Variants in ALKBH5 observed in about 807,000 individuals in gnomAD.
ALKBH5 encodes RNA demethylase ALKBH5.
ALKBH5 carries 2 observed loss-of-function variants against 32.1 expected under a neutral mutation model. That is an observed-to-expected ratio of 0.06 (90% CI 0.03 to 0.20). The LOEUF is 0.20. Among genes scored for constraint, ALKBH5 ranks in the 10% least tolerant of loss-of-function variants. The pLI is 1.00. For missense variants in ALKBH5, 352 were observed against 559.5 expected (o/e 0.63, Z 3.74); for synonymous variants, 300 against 231.7 (o/e 1.29, Z -2.68).
chr17:18,194,449 C>T (rs922419159), intron 1 of ALKBH5, among the ~76,000 whole-genome samples: 3 of 152,168 alleles, frequency 2.0e-5, no homozygotes, highest in African/African-American at 4.8e-5. Flanking sequence ...CCATCACGCC[C>T]AGCCGGAAAT....
At chr17:18,206,358 T>C (rs1456639729) in intron 2 of ALKBH5, among the ~76,000 whole-genome samples, 2 of 152,160 alleles carry the variant, frequency 1.3e-5, no homozygotes, top group African/African-American at 2.4e-5. Flanking sequence ...AGTGAGAAGA[T>C]AGGGTAGCTC....
chr17:18,207,737 A>G lies in ALKBH5; in HGVS notation c.1008-482A>G, dbSNP rs576918635. On this transcript the variant is annotated intron_variant, in intron 3 of 3. Transcript: ENST00000399138. Reference sequence around the variant, plus strand: ...TAATGTTTAAGTTGATTCCAGAAGGATAAGGAAGACATGGAAGAGCATTCT... The same window carrying G: ...TAATGTTTAAGTTGATTCCAGAAGGGTAAGGAAGACATGGAAGAGCATTCT... 2.6e-4 allele frequency among the ~76,000 whole-genome samples: 40 copies of G among 152,240 alleles called. 1 individual carries two copies. The South Asian group carries it at 8.3e-3, about 32-fold the overall frequency.
chr17:18,186,406 AT>A (rs2047139731), intron 1 of ALKBH5, among the ~76,000 whole-genome samples: 1 of 152,178 alleles, frequency 6.6e-6, no homozygotes. Flanking sequence ...GTCTGACCCC[AT>A]TGACGGGTTC....
At chr17:18,205,166 C>G (rs1453790884) in intron 2 of ALKBH5, among the ~76,000 whole-genome samples, 1 of 152,212 alleles carries the variant, frequency 6.6e-6, no homozygotes, top group East Asian at 1.9e-4. Flanking sequence ...GCCTTCGATT[C>G]CTTAGACCCT....
intron 2 of ALKBH5, among the ~76,000 whole-genome samples, chr17:18,205,464 G>A (rs2047264341): frequency 6.6e-6 from 1 of 152,290 alleles, no homozygotes; most frequent in Non-Finnish European, 1.5e-5. Flanking sequence ...ACCAGTTTGG[G>A]CCTGAGGCAT....
intron 2 of ALKBH5, 40 bp downstream of exon 2, chr17:18,195,075 G>A (rs748533927): frequency 1.3e-6 from 2 of 1,573,552 alleles, no homozygotes; most frequent in Admixed American, 1.7e-5. Flanking sequence ...TCACCTGCAG[G>A]CCTGTCTGGA....
intron 1 of ALKBH5, among the ~76,000 whole-genome samples, chr17:18,189,546 C>A (rs2047161239): frequency 6.6e-6 from 1 of 151,000 alleles, no homozygotes; most frequent in Non-Finnish European, 1.5e-5. Flanking sequence ...GCCAGCAAGG[C>A]CCCCTGGACA....
chr17:18,184,373 G>T lies in ALKBH5; in HGVS notation c.130G>T (p.Ala44Ser), dbSNP rs1369410099. 4.0e-6 allele frequency: 6 copies of T among 1,517,694 alleles called. No homozygotes were observed. The highest frequency in any genetic ancestry group is 5.3e-6 in the Non-Finnish European group (6 of 1,135,754). The allele number at this position is 1,517,694 out of a possible 1,614,324, so 94.0% of individuals were successfully genotyped here. ...AGCCGCCGTAGCCGCCGCAGCCGCAGCCGCCGCTGCCGCCGAACCTTACCC... is the reference window on the plus strand; with the variant it reads ...AGCCGCCGTAGCCGCCGCAGCCGCATCCGCCGCTGCCGCCGAACCTTACCC... ...AAAAVAAAAA[A>S]AAAAEPYPVS... The change falls in exon 1 of 4, where the codon GCC becomes TCC. Residue 44 changes from alanine (A) to serine (S), a missense_variant. This residue lies in a region of ALKBH5 where 144 missense variants were observed against 125.8 expected (regional missense o/e 1.14). Coordinates refer to ENST00000399138, the MANE Select transcript of ALKBH5 (RefSeq NM_017758.4).
At chr17:18,190,419 AG>A (rs1424770511) in intron 1 of ALKBH5, among the ~76,000 whole-genome samples, 1 of 151,974 alleles carries the variant, frequency 6.6e-6, no homozygotes, top group African/African-American at 2.4e-5. Context: ...GCGTGGTGGC[AG>A]GCACCTGTAA....
intron 1 of ALKBH5, 35 bp downstream of exon 1, chr17:18,185,048 C>T: frequency 1.9e-6 from 3 of 1,584,598 alleles, no homozygotes; most frequent in Non-Finnish European, 2.6e-6. Context: ...GGCCCTGCGC[C>T]TGCTGCCTTA....
chr17:18,208,563 A>G lies in ALKBH5; in HGVS notation c.*167A>G. 1.2e-6 allele frequency: 1 copy of G among 821,844 alleles called. No individual in the cohort carries two copies. The highest frequency in any genetic ancestry group is 2.0e-6 in the Non-Finnish European group (1 of 503,210). The allele number at this position is 821,844 out of a possible 1,614,324, so 50.9% of individuals were successfully genotyped here. A position where few individuals can be genotyped will look rare whatever the true frequency, so the allele number is the denominator to read the frequency against. On this transcript the variant is annotated 3_prime_UTR_variant, in exon 4 of 4. Coordinates refer to ENST00000399138, the MANE Select transcript of ALKBH5 (RefSeq NM_017758.4). ...GTTTTGTTGCCTGTTAGGGCTGAAG[A>G]ATAGAATTGGCCAGGACCTAGGTTC...
intron 1 of ALKBH5, among the ~76,000 whole-genome samples, chr17:18,194,335 G>A (rs1196375388): frequency 1.3e-5 from 2 of 152,138 alleles, no homozygotes; most frequent in African/African-American, 4.8e-5. Flanking sequence ...TGTATTTTTA[G>A]TAGAGATGGG....
At chr17:18,196,244 ACT>A (rs2047203676) in intron 2 of ALKBH5, among the ~76,000 whole-genome samples, 1 of 141,530 alleles carries the variant, frequency 7.1e-6, no homozygotes, top group Non-Finnish European at 1.5e-5. Flanking sequence ...ACAGGGTCTC[ACT>A]CTGTCGCCTA....
rs762690068 is a variant in ALKBH5, at chr17:18,207,070, G to A, written c.1007+100G>A. Reference sequence around the variant, plus strand: ...GTAGGCTGTTTAGGAGCCTTGGCTTGCTCACCCTTTCAAAACCTTATGTCT... The same window carrying A: ...GTAGGCTGTTTAGGAGCCTTGGCTTACTCACCCTTTCAAAACCTTATGTCT... On this transcript the variant is annotated intron_variant, in intron 3 of 3. Coordinates refer to ENST00000399138, the MANE Select transcript of ALKBH5 (RefSeq NM_017758.4). 1,702 of 1,462,232 alleles carry A rather than the reference G, an allele frequency of 1.2e-3. 1 individual carries two copies. Among genetic ancestry groups the A allele is most frequent in the Non-Finnish European group, 1.5e-3 (1,576 of 1,085,154 alleles). 90.6% of individuals were successfully genotyped at this position (1,462,232 alleles called of 1,614,324 possible).
chr17:18,196,893 A>G (rs1407676749), intron 2 of ALKBH5, among the ~76,000 whole-genome samples: 3 of 152,184 alleles, frequency 2.0e-5, no homozygotes, highest in Non-Finnish European at 2.9e-5. Flanking sequence ...ATTTATTTAT[A>G]TAAGTATATT....
chr17:18,190,144 A>G (rs1272696484), intron 1 of ALKBH5, among the ~76,000 whole-genome samples: 1 of 152,236 alleles, frequency 6.6e-6, no homozygotes, highest in Non-Finnish European at 1.5e-5. Context: ...TGGCCTAGGC[A>G]GGGCATGGAG....
chr17:18,184,837 C>A lies in ALKBH5; in HGVS notation c.594C>A (p.Gly198=). ...CCGTCATCAACGACTACCAGCCCGG[C>A]GGCTGCATCGTGTCTCACGTGGACC... is the stretch of plus-strand genomic sequence containing the variant. ...NSAVINDYQP[G]GCIVSHVDPI... Residue 198 remains glycine (G), a synonymous_variant, in exon 1 of 4, where the codon GGC becomes GGA. Transcript: ENST00000399138. 6.2e-7 allele frequency: 1 copy of A among 1,614,164 alleles called. No homozygotes were observed. The highest frequency in any genetic ancestry group is 8.5e-7 in the Non-Finnish European group (1 of 1,180,016).
chr17:18,185,606 C>T (rs945954659), intron 1 of ALKBH5, among the ~76,000 whole-genome samples: 3 of 152,190 alleles, frequency 2.0e-5, no homozygotes, highest in Non-Finnish European at 4.4e-5. Flanking sequence ...ATTCTTCCCT[C>T]CTGGCTGCAG....
chr17:18,186,707 A>G (rs1335073407), intron 1 of ALKBH5, among the ~76,000 whole-genome samples: 1 of 152,184 alleles, frequency 6.6e-6, no homozygotes, highest in African/African-American at 2.4e-5. Flanking sequence ...TTTCCTCAGA[A>G]TAGTAAAGTC....
Sources: allele counts gnomAD v4.1 joint callset (sites outside exome capture counted in the v4.1 genomes callset), GRCh38; gene constraint gnomAD v4.1.1; regional missense constraint gnomAD v4.1.1; transcripts MANE v1.5; gene names NCBI Gene and HGNC (gene_info 2026-07-23, HGNC 2026-07-21).